The following MTHFD2L variants were observed in gnomAD, a reference collection of about 807,000 sequenced individuals.
The protein encoded by MTHFD2L is bifunctional methylenetetrahydrofolate dehydrogenase/cyclohydrolase 2, mitochondrial.
A neutral mutation model predicts 34.9 loss-of-function variants in MTHFD2L; 29 were observed. That is an observed-to-expected ratio of 0.83 (90% CI 0.62 to 1.13). The LOEUF (loss-of-function observed/expected upper bound fraction) is 1.13, where lower values mean the gene tolerates loss of function less well. MTHFD2L is among the 50% of genes most tolerant of loss of function. The pLI is 0.00. For missense variants in MTHFD2L, 481 were observed against 446.5 expected (o/e 1.08, Z -0.70); for synonymous variants, 167 against 155.7 (o/e 1.07, Z -0.54).
At chr4:74,164,847 C>T (rs910079704) in intron 1 of MTHFD2L, 1 of 371,344 alleles carries the variant, frequency 2.7e-6, no homozygotes, top group Non-Finnish European at 3.7e-6. Flanking sequence ...CCTGATGAAG[C>T]CACATTTCGT....
chr4:74,242,755 G>A (rs1035529496), intron 6 of MTHFD2L, among the ~76,000 whole-genome samples: 2 of 151,844 alleles, frequency 1.3e-5, no homozygotes, highest in African/African-American at 2.4e-5. Flanking sequence ...TGAAAGAGTG[G>A]GCATCAGCCT....
At chr4:74,169,856 T>C (rs1727523910) in intron 1 of MTHFD2L, among the ~76,000 whole-genome samples, 1 of 152,242 alleles carries the variant, frequency 6.6e-6, no homozygotes. Context: ...AGTTTTATTT[T>C]ATTTTAACTT....
chr4:74,169,019 C>T (rs186517497), intron 1 of MTHFD2L, among the ~76,000 whole-genome samples: 10 of 152,342 alleles, frequency 6.6e-5, no homozygotes, highest in African/African-American at 2.4e-4. Context: ...TTGCCTCTTA[C>T]AGTGACTCCT....
At chr4:74,233,108 A>G (rs1740328762) in intron 6 of MTHFD2L, among the ~76,000 whole-genome samples, 1 of 152,200 alleles carries the variant, frequency 6.6e-6, no homozygotes, top group African/African-American at 2.4e-5. Flanking sequence ...TGTGTTTAAT[A>G]TTAAAGCATA....
At chr4:74,253,304 G>T (rs956696702) in intron 6 of MTHFD2L, among the ~76,000 whole-genome samples, 2 of 152,098 alleles carry the variant, frequency 1.3e-5, no homozygotes, top group African/African-American at 4.8e-5. Flanking sequence ...TATATTTGGG[G>T]TGACATCTGC....
intron 1 of MTHFD2L, among the ~76,000 whole-genome samples, chr4:74,151,625 C>A (rs1453540997): frequency 6.6e-6 from 1 of 152,188 alleles, no homozygotes; most frequent in Non-Finnish European, 1.5e-5. Context: ...AAGTGTTCAG[C>A]ACAGCCTTGG....
chr4:74,179,387 C>T (rs184926369), intron 3 of MTHFD2L, among the ~76,000 whole-genome samples: 1 of 152,076 alleles, frequency 6.6e-6, no homozygotes, highest in East Asian at 1.9e-4. Context: ...TAATGGTATT[C>T]CTATTTTTAT....
intron 6 of MTHFD2L, among the ~76,000 whole-genome samples, chr4:74,246,530 G>A (rs1742478420): frequency 6.6e-6 from 1 of 152,152 alleles, no homozygotes; most frequent in Non-Finnish European, 1.5e-5. Flanking sequence ...TGCTTTTGGT[G>A]TTATAGACAT....
intron 6 of MTHFD2L, among the ~76,000 whole-genome samples, chr4:74,238,887 G>A (rs931528142): frequency 1.3e-5 from 2 of 152,184 alleles, no homozygotes; most frequent in Non-Finnish European, 2.9e-5. Flanking sequence ...TACATTGTTG[G>A]GAGTGTAAAC....
At chr4:74,157,776 A>T (rs938569399), upstream of MTHFD2L, 1 of 487,222 alleles carries the variant, frequency 2.1e-6, no homozygotes, top group African/African-American at 1.9e-5. Context: ...CTTGGTGGAA[A>T]GTGGGGCGTG....
At chr4:74,286,195 C>A (rs986340140) in intron 7 of MTHFD2L, among the ~76,000 whole-genome samples, 2 of 152,142 alleles carry the variant, frequency 1.3e-5, no homozygotes, top group Non-Finnish European at 1.5e-5. Flanking sequence ...GAACATACTT[C>A]CTCCCTCCTA....
At chr4:74,249,967 C>T (rs1743068774) in intron 6 of MTHFD2L, among the ~76,000 whole-genome samples, 1 of 152,132 alleles carries the variant, frequency 6.6e-6, no homozygotes, top group East Asian at 1.9e-4. Flanking sequence ...CTTGGAGTTG[C>T]TCTTCTCGAG....
intron 1 of MTHFD2L, 66 bp from the exon 2 acceptor site, chr4:74,174,440 C>G: frequency 8.2e-7 from 1 of 1,214,334 alleles, no homozygotes; most frequent in South Asian, 3.1e-5. Flanking sequence ...GAGTTTTGTA[C>G]CTTAAATTTG....
intron 5 of MTHFD2L, among the ~76,000 whole-genome samples, chr4:74,219,312 C>G (rs1264397999): frequency 6.6e-6 from 1 of 152,018 alleles, no homozygotes; most frequent in African/African-American, 2.4e-5. Flanking sequence ...CTCTGCTTAT[C>G]TAGTTCTGTG....
intron 6 of MTHFD2L, chr4:74,268,273 T>C (rs868348080): frequency 2.0e-6 from 2 of 983,178 alleles, no homozygotes; most frequent in Non-Finnish European, 2.4e-6. Flanking sequence ...AGAAAGTTTT[T>C]CTAATCTAGA....
intron 7 of MTHFD2L, among the ~76,000 whole-genome samples, chr4:74,285,701 T>A (rs892457166): frequency 6.6e-6 from 1 of 152,148 alleles, no homozygotes; most frequent in Non-Finnish European, 1.5e-5. Flanking sequence ...ACAAATATAA[T>A]TTCTCCCATT....
At chr4:74,170,490 AGAAGAAAACGCTG>A (rs1243769801) in intron 1 of MTHFD2L, among the ~76,000 whole-genome samples, 1 of 152,196 alleles carries the variant, frequency 6.6e-6, no homozygotes. Flanking sequence ...TAAAACATCT[AGAAGAAAACGCTG>A]GAGAAAACCT....
intron 1 of MTHFD2L, among the ~76,000 whole-genome samples, chr4:74,134,720 T>G (rs922646454): frequency 1.3e-5 from 2 of 152,100 alleles, no homozygotes; most frequent in Non-Finnish European, 2.9e-5. Flanking sequence ...ATCTCTAAGA[T>G]AACACAGAAA....
intron 7 of MTHFD2L, among the ~76,000 whole-genome samples, chr4:74,289,113 C>T (rs750171398): frequency 2.0e-5 from 3 of 152,158 alleles, no homozygotes; most frequent in Admixed American, 6.6e-5. Flanking sequence ...AGTACTTACT[C>T]ACCAGTAGCT....
Sources: gnomAD v4.1 joint callset for allele counts (sites outside exome capture counted in the v4.1 genomes callset) on GRCh38, gnomAD v4.1.1 for gene constraint, MANE v1.5 for transcripts, NCBI Gene and HGNC (gene_info 2026-07-23, HGNC 2026-07-21) for gene names.